Variants in ANKRD13B observed in about 807,000 individuals in gnomAD.
ANKRD13B encodes the protein ankyrin repeat domain-containing protein 13B.
ANKRD13B carries 33 observed loss-of-function variants against 74.4 expected under a neutral mutation model. The observed-to-expected ratio is 0.44, with a 90% CI of 0.34 to 0.59. ANKRD13B has a LOEUF of 0.59. Among genes scored for constraint, ANKRD13B ranks in the 20% least tolerant of loss-of-function variants. ANKRD13B has a pLI of 0.02. For missense variants in ANKRD13B, 676 were observed against 877.9 expected (o/e 0.77, Z 2.91); for synonymous variants, 341 against 362.9 (o/e 0.94, Z 0.68).
In ANKRD13B at chr17:29,612,550, C is replaced by T. The variant is rs1409758149; in HGVS notation, c.1407C>T (p.Ser469=). 1 of 1,548,970 alleles carries T rather than the reference C, an allele frequency of 6.5e-7. No homozygotes were observed. ...CCTCCAGCGTCAGCAGCTCCAGCTCCACGAGTGAGGCCCCCCGCGAGAACG... is the reference window on the plus strand; with the variant it reads ...CCTCCAGCGTCAGCAGCTCCAGCTCTACGAGTGAGGCCCCCCGCGAGAACG... ...SDSSSVSSSS[S]TTSCRGCEIS... Residue 469 remains serine (S), a synonymous_variant, in exon 12 of 15, where the codon TCC becomes TCT. Coordinates refer to ENST00000394859, the MANE Select transcript of ANKRD13B (RefSeq NM_152345.5). The surrounding 1 kb of genome is among the most constrained non-coding windows in gnomAD (Gnocchi z 6.1).
Position 29,614,161 on chromosome 17 carries a change from C to A in ANKRD13B, c.*579C>A, listed in dbSNP as rs906457477. 1 of 152,448 alleles carries A rather than the reference C, an allele frequency of 6.6e-6. No homozygotes were observed. The highest frequency in any genetic ancestry group is 1.5e-5 in the Non-Finnish European group (1 of 68,070). 9.4% of individuals were successfully genotyped at this position (152,448 alleles called of 1,614,324 possible). ...GTACCCGGCTCCCCCAGCCCCCACA[C>A]CCGTCCTGGGTCTCAGGGTGGTTCC... On this transcript the variant is annotated 3_prime_UTR_variant, in exon 15 of 15. Transcript: ENST00000394859.
chr17:29,608,361 C>A lies in ANKRD13B; in HGVS notation c.421+121C>A. 1 of 1,295,658 alleles carries A rather than the reference C, an allele frequency of 7.7e-7. No homozygotes were observed. The highest frequency in any genetic ancestry group is 1.1e-6 in the Non-Finnish European group (1 of 931,822). The allele number at this position is 1,295,658 out of a possible 1,614,324, so 80.3% of individuals were successfully genotyped here. A position where few individuals can be genotyped will look rare whatever the true frequency, so the allele number is the denominator to read the frequency against. On this transcript the variant is annotated intron_variant, in intron 4 of 14. Coordinates refer to ENST00000394859, the MANE Select transcript of ANKRD13B (RefSeq NM_152345.5). This position sits in a 1 kb window ranked among gnomAD's most constrained non-coding sequence, Gnocchi z 6.4. ...GTTCCCTCTATGCCTTAGCTCAGCT[C>A]AGGGCCACCGCCTCAGCTAGGCCTT...
chr17:29,593,817 G>C (rs1431749363), intron 1 of ANKRD13B, 82 bp downstream of exon 1: 1 of 787,248 alleles, frequency 1.3e-6, no homozygotes, highest in East Asian at 4.2e-5. Flanking sequence ...GGCGCGGGCT[G>C]TCCCGCCTCC....
At chr17:29,596,876 T>G (rs1227929111) in intron 1 of ANKRD13B, among the ~76,000 whole-genome samples, 1 of 151,962 alleles carries the variant, frequency 6.6e-6, no homozygotes, top group African/African-American at 2.4e-5. Flanking sequence ...TGTTCTGGGA[T>G]GAGGGGGAGG....
At chr17:29,599,532 G>C (rs2150876967) in intron 1 of ANKRD13B, 1 of 152,178 alleles carries the variant, frequency 6.6e-6, no homozygotes, top group African/African-American at 2.4e-5. Context: ...GGAGGGTGCG[G>C]GAAAAAGAAG....
At position 29,614,453 on chromosome 17, in the gene ANKRD13B, TCCCACTTGCC is replaced by T. The variant is rs976229277; in HGVS notation, c.*877_*886del. On this transcript the variant is annotated 3_prime_UTR_variant, in exon 15 of 15. Coordinates refer to ENST00000394859, the MANE Select transcript of ANKRD13B (RefSeq NM_152345.5). ...TGCTGCTAGCCTCTGTGGTTGTACA[TCCCACTTGCC>T]CCCACACGGAGACTGACTCTAAAAC... The T allele has an allele frequency of 4.6e-5, 7 of 150,908 alleles. No individual in the cohort carries two copies. Among genetic ancestry groups the T allele is most frequent in the African/African-American group, 1.7e-4 (7 of 40,650 alleles). The allele number at this position is 150,908 out of a possible 1,614,324, so 9.3% of individuals were successfully genotyped here.
At position 29,614,456 on chromosome 17, in the gene ANKRD13B, C is replaced by T. The variant is rs1032904525; in HGVS notation, c.*874C>T. 2 of 152,580 alleles carry T rather than the reference C, an allele frequency of 1.3e-5. No homozygotes were observed. Among genetic ancestry groups the T allele is most frequent in the East Asian group, 1.9e-4 (1 of 5,168 alleles). 9.5% of individuals were successfully genotyped at this position (152,580 alleles called of 1,614,324 possible). A position where few individuals can be genotyped will look rare whatever the true frequency, so the allele number is the denominator to read the frequency against. The stretch of plus-strand genomic sequence containing the variant: ...TGCTAGCCTCTGTGGTTGTACATCC[C>T]ACTTGCCCCCACACGGAGACTGACT... On this transcript the variant is annotated 3_prime_UTR_variant, in exon 15 of 15. Transcript: ENST00000394859.
intron 1 of ANKRD13B, among the ~76,000 whole-genome samples, chr17:29,594,895 G>A (rs977371243): frequency 6.6e-6 from 1 of 152,234 alleles, no homozygotes; most frequent in African/African-American, 2.4e-5. Context: ...GGACTGAGCA[G>A]GCTGGGGGTC....
chr17:29,612,356 G>C lies in ANKRD13B; in HGVS notation c.1259-46G>C. The stretch of plus-strand genomic sequence containing the variant: ...AGGTCGGGGTGGGGCTGAGGCTGAG[G>C]TGTGAGGGGCTGAGTGGTGGCGCCT... On this transcript the variant is annotated intron_variant, in intron 11 of 14. Coordinates refer to ENST00000394859, the MANE Select transcript of ANKRD13B (RefSeq NM_152345.5). The surrounding 1 kb of genome is among the most constrained non-coding windows in gnomAD (Gnocchi z 6.1). 1 of 1,611,646 alleles carries C rather than the reference G, an allele frequency of 6.2e-7. No individual in the cohort carries two copies. The highest frequency in any genetic ancestry group is 8.5e-7 in the Non-Finnish European group (1 of 1,178,172).
Position 29,609,177 on chromosome 17 carries a change from G to A in ANKRD13B, c.657G>A (p.Leu219=). The stretch of plus-strand genomic sequence containing the variant: ...TGGCTGGGCAGGACCGGGAGCTGCT[G>A]CTGGCTGCTGCTCAGCCCACTGAGG... The part of the protein sequence containing the change: ...LALAGQDREL[L]LAAAQPTEEQ... Residue 219 remains leucine, a synonymous_variant, in exon 6 of 15, where the codon CTG becomes CTA. Transcript: ENST00000394859. This position sits in a 1 kb window ranked among gnomAD's most constrained non-coding sequence, Gnocchi z 4.0. 1.2e-6 allele frequency: 2 copies of A among 1,612,298 alleles called. No homozygotes were observed. The highest frequency in any genetic ancestry group is 1.7e-6 in the Non-Finnish European group (2 of 1,180,014).
intron 1 of ANKRD13B, 110 bp downstream of exon 1, chr17:29,593,845 C>A: frequency 1.9e-6 from 1 of 515,252 alleles, no homozygotes; most frequent in Non-Finnish European, 2.8e-6. Flanking sequence ...GTTTGCGGCG[C>A]GTCTTTGTTT....
Position 29,612,095 on chromosome 17 carries a change from C to T in ANKRD13B, c.1101-21C>T. The T allele has an allele frequency of 1.2e-6, 2 of 1,612,852 alleles. No individual in the cohort carries two copies. The highest frequency in any genetic ancestry group is 1.7e-6 in the Non-Finnish European group (2 of 1,179,066). Reference sequence around the variant, plus strand: ...TGGCTTCCTGCAGTGTCCCTTACCCCTTGGGATCTGGTGGGGGCAGGTTCA... The same window carrying T: ...TGGCTTCCTGCAGTGTCCCTTACCCTTTGGGATCTGGTGGGGGCAGGTTCA... On this transcript the variant is annotated intron_variant, in intron 10 of 14. Transcript: ENST00000394859. This position sits in a 1 kb window ranked among gnomAD's most constrained non-coding sequence, Gnocchi z 6.1.
chr17:29,612,125 C>T lies in ANKRD13B; in HGVS notation c.1110C>T (p.Ala370=), dbSNP rs2034600181. The change falls in exon 11 of 15, where the codon GCC becomes GCT. Residue 370 remains alanine (A), a synonymous_variant. Transcript: ENST00000394859. The surrounding 1 kb of genome is among the most constrained non-coding windows in gnomAD (Gnocchi z 6.1). Reference sequence around the variant, plus strand: ...GATCTGGTGGGGGCAGGTTCAAGGCCAAGCTGTGGCTGTGTGAGGAGCATC... The same window carrying T: ...GATCTGGTGGGGGCAGGTTCAAGGCTAAGCTGTGGCTGTGTGAGGAGCATC... ...ELTTKTQKFK[A]KLWLCEEHPL... is the part of the protein sequence containing the mutation. 6.2e-7 allele frequency: 1 copy of T among 1,614,028 alleles called. No homozygotes were observed. The highest frequency in any genetic ancestry group is 1.1e-5 in the South Asian group (1 of 91,080).
intron 1 of ANKRD13B, among the ~76,000 whole-genome samples, chr17:29,599,797 T>C (rs2034086693): frequency 1.3e-5 from 2 of 148,788 alleles, no homozygotes; most frequent in Admixed American, 6.7e-5. Context: ...ATTACTGTTT[T>C]CCCCCAAAGA....
Position 29,611,813 on chromosome 17 carries a change from A to T in ANKRD13B, c.970-63A>T. The T allele has an allele frequency of 3.2e-6, 5 of 1,565,610 alleles. No individual in the cohort carries two copies. Among genetic ancestry groups the T allele is most frequent in the Non-Finnish European group, 4.3e-6 (5 of 1,153,032 alleles). The stretch of plus-strand genomic sequence containing the variant: ...GACAGCTTGGGGGCCTTGTGACAAC[A>T]AATGAGTTGGCCTGGCATTAGGAAC... On this transcript the variant is annotated intron_variant, in intron 9 of 14. Transcript: ENST00000394859. The surrounding 1 kb of genome is among the most constrained non-coding windows in gnomAD (Gnocchi z 4.3).
intron 1 of ANKRD13B, among the ~76,000 whole-genome samples, chr17:29,595,377 G>A (rs959704314): frequency 2.6e-5 from 4 of 152,214 alleles, no homozygotes; most frequent in African/African-American, 9.6e-5. Context: ...ACTTCCCAGG[G>A]GTCCAAGGAT....
chr17:29,613,778 G>C lies in ANKRD13B; in HGVS notation c.*196G>C. The C allele has an allele frequency of 1.2e-6, 1 of 831,310 alleles. No individual in the cohort carries two copies. Among genetic ancestry groups the C allele is most frequent in the Non-Finnish European group, 1.7e-6 (1 of 580,042 alleles). 51.5% of individuals were successfully genotyped at this position (831,310 alleles called of 1,614,324 possible). ...GGGTACCTTCCCAGGCCAGGGCCCT[G>C]GAGGCAACTGGCACGGCCTGGTCCC... On this transcript the variant is annotated 3_prime_UTR_variant, in exon 15 of 15. Transcript: ENST00000394859.
intron 1 of ANKRD13B, among the ~76,000 whole-genome samples, chr17:29,602,259 G>A (rs1460635348): frequency 6.6e-6 from 1 of 152,184 alleles, no homozygotes; most frequent in Non-Finnish European, 1.5e-5. Context: ...GCCGGGCGTG[G>A]TGGTGGGTGC....
At chr17:29,597,234 AGTTTGGAAAGTACCCT>A (rs2033986340) in intron 1 of ANKRD13B, among the ~76,000 whole-genome samples, 1 of 152,138 alleles carries the variant, frequency 6.6e-6, no homozygotes, top group Non-Finnish European at 1.5e-5. Context: ...ATGCTAAAGG[AGTTTGGAAAGTACCCT>A]GCTAGTGCAC....
Sources: gnomAD v4.1 joint callset for allele counts (sites outside exome capture counted in the v4.1 genomes callset) on GRCh38, gnomAD v4.1.1 for gene constraint, Gnocchi (gnomAD v3.1) non-coding constraint, MANE v1.5 for transcripts, NCBI Gene and HGNC (gene_info 2026-07-23, HGNC 2026-07-21) for gene names.